GC: variants seen among roughly 807,000 people sequenced by gnomAD.
GC encodes GC vitamin D binding protein.
In GC, 43 loss-of-function variants were observed where a neutral mutation model predicts 56.7. That is an observed-to-expected ratio of 0.76 (90% confidence interval 0.59 to 0.98). The LOEUF (loss-of-function observed/expected upper bound fraction) is 0.98. Among genes scored for constraint, GC ranks in the 50% least tolerant of loss-of-function variants. The pLI, the probability that GC is intolerant of heterozygous loss-of-function variation, is 0.00. For synonymous variants in GC, 216 were observed against 202.7 expected (o/e 1.07, Z -0.56); for missense variants, 529 against 545.9 (o/e 0.97, Z 0.31).
At chr4:71,786,976 C>T (rs1265996348), upstream of GC, among the ~76,000 whole-genome samples, 1 of 151,780 alleles carries the variant, frequency 6.6e-6, no homozygotes, top group African/African-American at 2.4e-5. Context: ...AGTTGATGTA[C>T]AGAGAAGAAC....
intron 11 of GC, among the ~76,000 whole-genome samples, chr4:71,746,772 T>TA (rs34865299): frequency 0.02 from 1,998 of 100,626 alleles, 93 homozygotes; most frequent in African/African-American, 0.066. Context: ...CTCTATTTTG[T>TA]AAAAAAAAAA....
upstream of GC, chr4:71,784,150 G>T: frequency 7.3e-7 from 1 of 1,367,548 alleles, no homozygotes; most frequent in Non-Finnish European, 9.5e-7. Flanking sequence ...AATCTCAGAA[G>T]CAACACAGAA....
intron 1 of GC, among the ~76,000 whole-genome samples, chr4:71,798,596 C>G (rs1367102529): frequency 1.3e-5 from 2 of 152,180 alleles, no homozygotes; most frequent in Non-Finnish European, 2.9e-5. Flanking sequence ...GCACCTCTAA[C>G]TGGGGGGACT....
chr4:71,786,165 C>T (rs1029065459), upstream of GC, among the ~76,000 whole-genome samples: 39 of 151,906 alleles, frequency 2.6e-4, no homozygotes, highest in African/African-American at 6.7e-4. Flanking sequence ...AATCTCTATA[C>T]GAGCTGCCAA....
At chr4:71,798,963 A>G (rs1337105599) in intron 1 of GC, among the ~76,000 whole-genome samples, 1 of 152,222 alleles carries the variant, frequency 6.6e-6, no homozygotes, top group Non-Finnish European at 1.5e-5. Context: ...CTTTTAAAGT[A>G]TGAAATTCAA....
At chr4:71,766,485 G>A (rs1200278403) in intron 3 of GC, among the ~76,000 whole-genome samples, 1 of 152,072 alleles carries the variant, frequency 6.6e-6, no homozygotes, top group Non-Finnish European at 1.5e-5. Flanking sequence ...CTAAAATAGA[G>A]TCACCATAGA....
rs796834593 is a variant in GC, at chr4:71,776,141, C to T, written c.59-6741G>A. On this transcript the variant is annotated intron_variant, in intron 1 of 12. Coordinates refer to ENST00000273951, the MANE Select transcript of GC (RefSeq NM_000583.4). ...AGAACTACCATATGATTTAACAATA[C>T]CACTTCTGGGTATATATCCAAAGAA... is the stretch of plus-strand genomic sequence containing the variant. Among the ~76,000 whole-genome samples the T allele has an allele frequency of 9.9e-5, 15 of 151,996 alleles. 1 individual carries two copies. Among genetic ancestry groups the T allele is most frequent in the African/African-American group, 3.4e-4 (14 of 41,508 alleles).
At chr4:71,758,310 T>C (rs1741853073) in intron 6 of GC, 139 bp from the exon 7 acceptor site, 1 of 681,138 alleles carries the variant, frequency 1.5e-6, no homozygotes, top group Non-Finnish European at 2.5e-6. Context: ...ACATCTGCCA[T>C]GCGATAGATC....
chr4:71,749,242 A>G (rs1242522125), intron 11 of GC, among the ~76,000 whole-genome samples: 1 of 152,216 alleles, frequency 6.6e-6, no homozygotes, highest in South Asian at 2.1e-4. Context: ...CTCAGCTGCT[A>G]TAAATTTACT....
At chr4:71,742,854 G>C (rs2149291006) in intron 12 of GC, among the ~76,000 whole-genome samples, 1 of 152,264 alleles carries the variant, frequency 6.6e-6, no homozygotes, top group South Asian at 2.1e-4. Context: ...GGCAACTGTA[G>C]TCCCAGCTCC....
intron 1 of GC, among the ~76,000 whole-genome samples, chr4:71,796,637 A>G (rs1479118798): frequency 6.6e-6 from 1 of 152,060 alleles, no homozygotes; most frequent in Non-Finnish European, 1.5e-5. Flanking sequence ...GAAGTTTGTT[A>G]TTACTGACCT....
intron 3 of GC, among the ~76,000 whole-genome samples, chr4:71,765,943 G>A (rs1742140424): frequency 6.6e-6 from 1 of 152,164 alleles, no homozygotes; most frequent in African/African-American, 2.4e-5. Context: ...CTAGCCTAGT[G>A]TTCCTCCGTG....
At chr4:71,757,110 A>G (rs1189854202) in intron 7 of GC, among the ~76,000 whole-genome samples, 196 bp from the exon 8 acceptor site, 2 of 152,186 alleles carry the variant, frequency 1.3e-5, no homozygotes, top group African/African-American at 2.4e-5. Flanking sequence ...GTACAATTCT[A>G]TTTTTAAGAA....
At chr4:71,798,173 C>T (rs1422131485) in intron 1 of GC, among the ~76,000 whole-genome samples, 2 of 152,058 alleles carry the variant, frequency 1.3e-5, no homozygotes, top group Non-Finnish European at 2.9e-5. Flanking sequence ...ATTTATAGTT[C>T]CTATTTTGCT....
chr4:71,794,721 G>T (rs183434294), intron 1 of GC, among the ~76,000 whole-genome samples: 121 of 152,002 alleles, frequency 8.0e-4, no homozygotes, highest in Admixed American at 1.3e-3. Context: ...GTTTGCTCTT[G>T]CTTCTCTAGT....
rs764119415 is a variant in GC at position 71,754,525 on chromosome 4, A to G, written c.1165-17T>C. The stretch of plus-strand genomic sequence containing the variant: ...TAGAGGGCCCTGTAAGAAAACAATA[A>G]TTGCATAACAAAATTATTTGTCTTG... On this transcript the variant is annotated splice_polypyrimidine_tract_variant and intron_variant, in intron 9 of 12. Transcript: ENST00000273951. 2.4e-6 allele frequency: 3 copies of G among 1,235,838 alleles called. No individual in the cohort carries two copies. Among genetic ancestry groups the G allele is most frequent in the African/African-American group, 1.5e-5 (1 of 67,554 alleles). The allele number at this position is 1,235,838 out of a possible 1,614,324, so 76.6% of individuals were successfully genotyped here. A position where few individuals can be genotyped will look rare whatever the true frequency, so the allele number is the denominator to read the frequency against.
At chr4:71,799,168 A>G (rs1031653197) in intron 1 of GC, among the ~76,000 whole-genome samples, 1 of 152,214 alleles carries the variant, frequency 6.6e-6, no homozygotes, top group Admixed American at 6.5e-5. Flanking sequence ...AAGTGGTTCT[A>G]GGGGCATATA....
At chr4:71,788,756 A>G (rs144719621), upstream of GC, among the ~76,000 whole-genome samples, 251 of 152,032 alleles carry the variant, frequency 1.7e-3, 1 homozygote, top group African/African-American at 5.2e-3. Context: ...AAAATAGTGC[A>G]GGAACAAGGT....
chr4:71,751,674 G>A (rs1741560543), intron 11 of GC, among the ~76,000 whole-genome samples: 1 of 151,918 alleles, frequency 6.6e-6, no homozygotes, highest in East Asian at 1.9e-4. Context: ...GGAAGAAAAA[G>A]GGGAGACAGG....
Sources: gnomAD v4.1 joint callset for allele counts (sites outside exome capture counted in the v4.1 genomes callset) on GRCh38, gnomAD v4.1.1 for gene constraint, MANE v1.5 for transcripts, NCBI Gene and HGNC (gene_info 2026-07-23, HGNC 2026-07-21) for gene names.